The following PRR15 variants were observed in gnomAD, a reference collection of about 807,000 sequenced individuals.
PRR15 encodes the protein proline rich 15.
In PRR15, 4 loss-of-function variants were observed where a neutral mutation model predicts 3.0. That is an observed-to-expected ratio of 1.34 (90% confidence interval 0.66 to 3.08). The LOEUF (loss-of-function observed/expected upper bound fraction) is 3.08. PRR15 is among the 30% of genes most tolerant of loss of function. The pLI is 0.01. For synonymous variants in PRR15, 82 were observed against 79.8 expected, an observed-to-expected ratio of 1.03 and a Z score of -0.14; for missense variants, 200 against 179.5, an observed-to-expected ratio of 1.11 and a Z score of -0.65.
intron 1 of PRR15, among the ~76,000 whole-genome samples, 170 bp from the exon 2 acceptor site, chr7:29,566,015 A>T (rs1340504236): frequency 1.3e-5 from 2 of 151,910 alleles, no homozygotes; most frequent in African/African-American, 4.8e-5. Context: ...TTCCGCCAGC[A>T]CCCTATGGGG....
chr7:29,566,333 G>A lies in PRR15; in HGVS notation c.4G>A (p.Ala2Thr), dbSNP rs752329341. M[A>T]DSGDAGSSGP... ...GGAGCCCCTAGGCCCTCCGGCCATG[G>A]CCGACAGCGGCGATGCTGGCAGCTC... Residue 2 changes from alanine (A) to threonine (T), a missense_variant, in exon 2 of 2, where the codon GCC (alanine) becomes ACC (threonine). Physicochemically the swap from Ala to Thr is moderately conservative, Grantham distance 58 (BLOSUM62 0). Coordinates refer to ENST00000319694, the MANE Select transcript of PRR15 (RefSeq NM_175887.3). 35 of 1,606,406 alleles carry A rather than the reference G, an allele frequency of 2.2e-5. No individual in the cohort carries two copies. Among genetic ancestry groups the A allele is most frequent in the Middle Eastern group, 1.6e-4 (1 of 6,070 alleles).
In PRR15 at chr7:29,563,928, T is replaced by C. The variant is rs1420384960; in HGVS notation, c.-595T>C. 1 of 152,256 alleles carries C rather than the reference T, an allele frequency of 6.6e-6. No homozygotes were observed. Among genetic ancestry groups the C allele is most frequent in the Non-Finnish European group, 1.5e-5 (1 of 68,070 alleles). 9.4% of individuals were successfully genotyped at this position (152,256 alleles called of 1,614,324 possible). ...AGGTGGGCAGATGTCTTTTTTGCGT[T>C]CCTACGGACGCGTAGGCAAGTTCGA... is the stretch of plus-strand genomic sequence containing the variant. On this transcript the variant is annotated 5_prime_UTR_variant, in exon 1 of 2. Coordinates refer to ENST00000319694, the MANE Select transcript of PRR15 (RefSeq NM_175887.3).
intron 1 of PRR15, among the ~76,000 whole-genome samples, chr7:29,565,168 C>T (rs544600937): frequency 6.6e-6 from 1 of 152,198 alleles, no homozygotes; most frequent in African/African-American, 2.4e-5. Flanking sequence ...TGCTCAGAAG[C>T]GGCCTTTCGC....
At chr7:29,566,075 C>T in intron 1 of PRR15, 110 bp from the exon 2 acceptor site, 1 of 559,250 alleles carries the variant, frequency 1.8e-6, no homozygotes, top group Non-Finnish European at 3.1e-6. Context: ...GGGATTGGGT[C>T]GCTCCGACCC....
chr7:29,566,241 G>A lies in PRR15; in HGVS notation c.-89G>A. 1.4e-6 allele frequency: 2 copies of A among 1,397,742 alleles called. No homozygotes were observed. Among genetic ancestry groups the A allele is most frequent in the South Asian group, 2.8e-5 (2 of 70,394 alleles). The allele number at this position is 1,397,742 out of a possible 1,614,324, so 86.6% of individuals were successfully genotyped here. A position where few individuals can be genotyped will look rare whatever the true frequency, so the allele number is the denominator to read the frequency against. ...GCCCACGTGTGGCAAGCCGGGGAAG[G>A]GGTGGAGTGAACGGCCGGAGACCAC... On this transcript the variant is annotated 5_prime_UTR_variant, in exon 2 of 2. Transcript: ENST00000319694.
Position 29,566,920 on chromosome 7 carries a change from T to A in PRR15, c.*201T>A, listed in dbSNP as rs1792924917. 5.9e-6 allele frequency: 3 copies of A among 510,346 alleles called. No individual in the cohort carries two copies. The East Asian group carries it at 9.9e-5, about 17-fold the overall frequency. 31.6% of individuals were successfully genotyped at this position (510,346 alleles called of 1,614,324 possible). ...TCTCAATATTTCATGACTCCAAGGA[T>A]GCATTAAATATTTATTTGTGGTAAG... On this transcript the variant is annotated 3_prime_UTR_variant, in exon 2 of 2. Transcript: ENST00000319694.
chr7:29,565,048 C>T (rs966952878), intron 1 of PRR15, among the ~76,000 whole-genome samples: 4 of 148,396 alleles, frequency 2.7e-5, no homozygotes, highest in African/African-American at 1.0e-4. Flanking sequence ...GAGCGGAAAC[C>T]TGGAAGTGAG....
chr7:29,566,997 G>A lies in PRR15; in HGVS notation c.*278G>A, dbSNP rs1268526254. 1.1e-5 allele frequency: 4 copies of A among 359,766 alleles called. No individual in the cohort carries two copies. Among genetic ancestry groups the A allele is most frequent in the African/African-American group, 6.4e-5 (3 of 46,862 alleles). 22.3% of individuals were successfully genotyped at this position (359,766 alleles called of 1,614,324 possible). ...GGCATAATTATTTTTTTTTCAAAAA[G>A]CTATTCTGGGGCCCTGGCCCCCTGG... is the stretch of plus-strand genomic sequence containing the variant. On this transcript the variant is annotated 3_prime_UTR_variant, in exon 2 of 2. Transcript: ENST00000319694.
rs775791492 is a variant in PRR15, at chr7:29,566,630, A to T, written c.301A>T (p.Arg101Trp). ...ISRSGRFKEKRKVRATLLPEA... is the reference protein window; with the variant it reads ...ISRSGRFKEKWKVRATLLPEA... ...GCGCTCCGGCCGCTTTAAGGAGAAG[A>T]GGAAAGTGCGCGCCACGCTGCTCCC... Residue 101 changes from arginine (R) to tryptophan (W), a missense_variant, in exon 2 of 2, where the codon AGG becomes TGG. Physicochemically the swap from Arg to Trp is moderately radical, Grantham distance 101. Transcript: ENST00000319694. 2 of 1,598,410 alleles carry T rather than the reference A, an allele frequency of 1.3e-6. No homozygotes were observed. Among genetic ancestry groups the T allele is most frequent in the African/African-American group, 1.3e-5 (1 of 74,600 alleles).
chr7:29,565,502 T>TG (rs1418956665), intron 1 of PRR15: 1 of 152,160 alleles, frequency 6.6e-6, no homozygotes, highest in African/African-American at 2.4e-5. Flanking sequence ...AGTCTAGACA[T>TG]GCTTCTTTGA....
Position 29,566,741 on chromosome 7 carries a change from A to T in PRR15, c.*22A>T. On this transcript the variant is annotated 3_prime_UTR_variant, in exon 2 of 2. Transcript: ENST00000319694. ...GTAGCCCCAATAGCCTGCGCGCTCC[A>T]GGACTGCCTACCCAGCACTACCCCA... 2 of 1,524,316 alleles carry T rather than the reference A, an allele frequency of 1.3e-6. No individual in the cohort carries two copies. The highest frequency in any genetic ancestry group is 8.8e-7 in the Non-Finnish European group (1 of 1,132,274). 94.4% of individuals were successfully genotyped at this position (1,524,316 alleles called of 1,614,324 possible). A position where few individuals can be genotyped will look rare whatever the true frequency, so the allele number is the denominator to read the frequency against.
At chr7:29,566,130 G>T (rs569097604) in intron 1 of PRR15, 55 bp from the exon 2 acceptor site, 2 of 637,636 alleles carry the variant, frequency 3.1e-6, no homozygotes, top group Non-Finnish European at 5.3e-6. Context: ...AAGGGGACTG[G>T]GGGGGGCACG....
In PRR15 at chr7:29,567,280, C is replaced by T. The variant is rs3178052; in HGVS notation, c.*561C>T. On this transcript the variant is annotated 3_prime_UTR_variant, in exon 2 of 2. Coordinates refer to ENST00000319694, the MANE Select transcript of PRR15 (RefSeq NM_175887.3). ...CCTATTTTAGTGTGGACTATTAAAA[C>T]CCTTGCACTGTAAGGCTTAAGGTGA... is the stretch of plus-strand genomic sequence containing the variant. 8,002 of 167,044 alleles carry T rather than the reference C, an allele frequency of 0.048. 268 individuals carry two copies. The highest frequency in any genetic ancestry group is 0.076 in the Non-Finnish European group (5,215 of 68,178). The allele number at this position is 167,044 out of a possible 1,614,324, so 10.3% of individuals were successfully genotyped here.
intron 1 of PRR15, 121 bp from the exon 2 acceptor site, chr7:29,566,064 C>T (rs1056059993): frequency 1.9e-6 from 1 of 538,684 alleles, no homozygotes; most frequent in South Asian, 2.6e-5. Context: ...TACGTAGCTA[C>T]GGGATTGGGT....
At chr7:29,565,706 G>T (rs1170218133) in intron 1 of PRR15, 1 of 152,388 alleles carries the variant, frequency 6.6e-6, no homozygotes, top group South Asian at 2.1e-4. Flanking sequence ...AATTAATACC[G>T]TTCACCTGTA....
At chr7:29,565,342 G>A (rs1258761452) in intron 1 of PRR15, 1 of 152,110 alleles carries the variant, frequency 6.6e-6, no homozygotes, top group African/African-American at 2.4e-5. Flanking sequence ...GTACAGACTC[G>A]GTGCATATTT....
chr7:29,565,020 G>A (rs1013793250), intron 1 of PRR15, among the ~76,000 whole-genome samples: 1 of 152,212 alleles, frequency 6.6e-6, no homozygotes, highest in Non-Finnish European at 1.5e-5. Flanking sequence ...CGCCCGGCGC[G>A]TGGGCTGGGA....
chr7:29,564,488 G>C (rs1792840325), intron 1 of PRR15, 111 bp downstream of exon 1: 1 of 151,952 alleles, frequency 6.6e-6, no homozygotes, highest in South Asian at 2.1e-4. Flanking sequence ...AGCCCTAAGA[G>C]AGGCTGAAAA....
Position 29,566,267 on chromosome 7 carries a change from G to T in PRR15, c.-63G>T. On this transcript the variant is annotated 5_prime_UTR_variant, in exon 2 of 2. Transcript: ENST00000319694. ...GGTGGAGTGAACGGCCGGAGACCAC[G>T]TGGAGAAAGGGGCCGCTTTGGCCCT... 2.7e-6 allele frequency: 4 copies of T among 1,501,026 alleles called. No homozygotes were observed. The highest frequency in any genetic ancestry group is 3.5e-6 in the Non-Finnish European group (4 of 1,129,646). The allele number at this position is 1,501,026 out of a possible 1,614,324, so 93.0% of individuals were successfully genotyped here.
Sources: gnomAD v4.1 joint callset for allele counts (sites outside exome capture counted in the v4.1 genomes callset) on GRCh38, gnomAD v4.1.1 for gene constraint, MANE v1.5 for transcripts, NCBI Gene and HGNC (gene_info 2026-07-23, HGNC 2026-07-21) for gene names.